The following MGAT5 variants were observed in gnomAD, a reference collection of about 807,000 sequenced individuals.
MGAT5 encodes the protein alpha-1,6-mannosylglycoprotein 6-beta-N-acetylglucosaminyltransferase A.
MGAT5 carries 30 observed loss-of-function variants against 94.3 expected under a neutral mutation model. That is an observed-to-expected ratio of 0.32 (90% CI 0.24 to 0.43). MGAT5 has a LOEUF of 0.43. Ranked by LOEUF, MGAT5 falls within the 20% of genes least tolerant of loss-of-function variation. The probability of loss-of-function intolerance (pLI) is 1.00; values close to 1 mark genes in which losing one functional copy is unlikely to be tolerated. For synonymous variants in MGAT5, 310 were observed against 322.9 expected, an observed-to-expected ratio of 0.96 and a Z score of 0.43; for missense variants, 691 against 905.5, an observed-to-expected ratio of 0.76 and a Z score of 3.04.
chr2:134,426,740 G>A (rs1019051800), intron 13 of MGAT5, among the ~76,000 whole-genome samples: 1 of 150,456 alleles, frequency 6.6e-6, no homozygotes, highest in East Asian at 1.9e-4. Flanking sequence ...TTTACATTTT[G>A]TGTGAAGGGC....
chr2:134,190,070 T>C (rs1215531412), intron 1 of MGAT5, among the ~76,000 whole-genome samples: 1 of 152,230 alleles, frequency 6.6e-6, no homozygotes, highest in African/African-American at 2.4e-5. Context: ...GGGAATCCAC[T>C]GAGTTGCTGG....
At position 134,254,645 on chromosome 2, in the gene MGAT5, G is replaced by T; in HGVS notation, c.241+1G>T. On this transcript the variant is annotated splice_donor_variant, in intron 1 of 15. Coordinates refer to ENST00000281923, the MANE Select transcript of MGAT5 (RefSeq NM_002410.5). LOFTEE classifies it high-confidence loss of function. ...TACGCTGGAGTCATGACAGCTTATG[G>T]TAAGCACTGTTTCTGGGACCTCTCC... 6.2e-7 allele frequency: 1 copy of T among 1,614,162 alleles called. No homozygotes were observed. Among genetic ancestry groups the T allele is most frequent in the Non-Finnish European group, 8.5e-7 (1 of 1,180,004 alleles).
intron 8 of MGAT5, among the ~76,000 whole-genome samples, chr2:134,349,048 C>G (rs911549349): frequency 1.3e-5 from 2 of 152,032 alleles, no homozygotes; most frequent in East Asian, 1.9e-4. Flanking sequence ...TTTTTATTTT[C>G]GAACATGAAA....
chr2:134,196,709 G>A (rs141115893), intron 1 of MGAT5, among the ~76,000 whole-genome samples: 145 of 152,294 alleles, frequency 9.5e-4, no homozygotes, highest in African/African-American at 2.7e-3. Context: ...CTTTGAATGC[G>A]GCCCAACACA....
intron 1 of MGAT5, among the ~76,000 whole-genome samples, chr2:134,207,821 C>T (rs962848178): frequency 6.6e-6 from 1 of 152,088 alleles, no homozygotes; most frequent in Non-Finnish European, 1.5e-5. Context: ...AGGTCTTTGC[C>T]CAGAGGCTTG....
At chr2:134,378,440 G>A (rs1340159821) in intron 10 of MGAT5, among the ~76,000 whole-genome samples, 1 of 152,266 alleles carries the variant, frequency 6.6e-6, no homozygotes, top group East Asian at 1.9e-4. Flanking sequence ...TCAAACCCGA[G>A]AGGCAGAATA....
intron 2 of MGAT5, among the ~76,000 whole-genome samples, chr2:134,291,309 T>G (rs1050982068): frequency 6.6e-6 from 1 of 152,278 alleles, no homozygotes; most frequent in Admixed American, 6.5e-5. Context: ...CACCAGAGCT[T>G]GTTTTTTCTC....
At chr2:134,313,818 G>A (rs538361070) in intron 2 of MGAT5, among the ~76,000 whole-genome samples, 14 of 152,166 alleles carry the variant, frequency 9.2e-5, no homozygotes, top group South Asian at 6.2e-4. Context: ...CGTGGATACC[G>A]TCACCCAGGC....
chr2:134,398,625 A>T (rs932619080), intron 10 of MGAT5, among the ~76,000 whole-genome samples: 1 of 152,228 alleles, frequency 6.6e-6, no homozygotes, highest in Admixed American at 6.5e-5. Flanking sequence ...AGATATCCGC[A>T]TCCCCATGTT....
At position 134,318,370 on chromosome 2, in the gene MGAT5, C is replaced by G. The variant is rs559071579; in HGVS notation, c.484-280C>G. 2.0e-5 allele frequency among the ~76,000 whole-genome samples: 3 copies of G among 152,270 alleles called. No homozygotes were observed. The East Asian group carries it at 5.8e-4, about 29-fold the overall frequency. On this transcript the variant is annotated intron_variant, in intron 3 of 15. Coordinates refer to ENST00000281923, the MANE Select transcript of MGAT5 (RefSeq NM_002410.5). ...CTTGATAAAAATCCCTAAGCCACCGCCTCTCCTGGGCTTTATTGCCTGCTG... is the reference window on the plus strand; with the variant it reads ...CTTGATAAAAATCCCTAAGCCACCGGCTCTCCTGGGCTTTATTGCCTGCTG...
At position 134,177,462 on chromosome 2, in the gene MGAT5, A is replaced by G. The variant is rs115819829; in HGVS notation, c.-143+57171A>G. ...ACTCGCATTCCATTGCCAAGAACAC[A>G]GTCACCTGGTCACCCCTGGCAGGGA... On this transcript the variant is annotated intron_variant, in intron 1 of 16. Coordinates refer to the MGAT5 transcript ENST00000409645. 7.6e-3 allele frequency among the ~76,000 whole-genome samples: 1,161 copies of G among 152,294 alleles called. 17 individuals are homozygous for G. The highest frequency in any genetic ancestry group is 0.027 in the African/African-American group (1,114 of 41,550).
chr2:134,425,475 T>A (rs980071143), intron 13 of MGAT5, among the ~76,000 whole-genome samples: 1 of 152,140 alleles, frequency 6.6e-6, no homozygotes, highest in Non-Finnish European at 1.5e-5. Context: ...ATAAGTATGA[T>A]GGGAAGTTTT....
At chr2:134,130,352 G>T (rs1017699132) in intron 1 of MGAT5, among the ~76,000 whole-genome samples, 8 of 152,010 alleles carry the variant, frequency 5.3e-5, no homozygotes, top group African/African-American at 1.9e-4. Context: ...CCCTTGCTCT[G>T]CTGCGCCGGG....
At chr2:134,138,009 T>G (rs1686496087) in intron 1 of MGAT5, among the ~76,000 whole-genome samples, 1 of 151,830 alleles carries the variant, frequency 6.6e-6, no homozygotes, top group African/African-American at 2.4e-5. Flanking sequence ...TTTTTTGTTT[T>G]GAGACAGAGT....
At chr2:134,343,857 A>G (rs1446213662) in intron 7 of MGAT5, among the ~76,000 whole-genome samples, 1 of 152,178 alleles carries the variant, frequency 6.6e-6, no homozygotes, top group African/African-American at 2.4e-5. Context: ...CAACGGGAGA[A>G]TGGGCCAGTT....
At chr2:134,283,712 G>T (rs1431689457) in intron 2 of MGAT5, among the ~76,000 whole-genome samples, 1 of 138,460 alleles carries the variant, frequency 7.2e-6, no homozygotes, top group Non-Finnish European at 1.5e-5. Flanking sequence ...TGGGTGTGTG[G>T]CTTTGAGGCT....
At chr2:134,219,938 G>A (rs889318794) in intron 1 of MGAT5, among the ~76,000 whole-genome samples, 1 of 152,126 alleles carries the variant, frequency 6.6e-6, no homozygotes, top group Non-Finnish European at 1.5e-5. Flanking sequence ...GTTATTGAGA[G>A]GAACAACTGA....
chr2:134,161,393 A>G (rs190152175), intron 1 of MGAT5, among the ~76,000 whole-genome samples: 234 of 152,250 alleles, frequency 1.5e-3, no homozygotes, highest in African/African-American at 5.4e-3. Flanking sequence ...CCTAGAAGAC[A>G]TATTTCTGGT....
chr2:134,440,702 C>T (rs929204647), intron 14 of MGAT5, among the ~76,000 whole-genome samples: 3 of 152,180 alleles, frequency 2.0e-5, no homozygotes, highest in African/African-American at 7.2e-5. Context: ...CAGAAGGGAA[C>T]AGACCAGCTG....
Sources: allele counts gnomAD v4.1 joint callset (sites outside exome capture counted in the v4.1 genomes callset), GRCh38; gene constraint gnomAD v4.1.1; transcripts MANE v1.5; gene names NCBI Gene and HGNC (gene_info 2026-07-23, HGNC 2026-07-21).